The following PNKD variants were observed in gnomAD, a reference collection of about 807,000 sequenced individuals.
PNKD encodes PNKD metallo-beta-lactamase domain containing.
A neutral mutation model predicts 45.3 loss-of-function variants in PNKD; 36 were observed. The ratio of observed to expected loss-of-function variants is 0.80; its 90% confidence interval spans 0.61 to 1.05. The LOEUF (loss-of-function observed/expected upper bound fraction) is 1.05, where lower values mean the gene tolerates loss of function less well. PNKD is among the 50% of genes least tolerant of loss of function. PNKD has a pLI of 0.00. For synonymous variants in PNKD, 197 were observed against 210.1 expected, an observed-to-expected ratio of 0.94 and a Z score of 0.54; for missense variants, 511 against 506.6, an observed-to-expected ratio of 1.01 and a Z score of -0.08.
chr2:218,326,847 G>A lies in PNKD; in HGVS notation c.237-12936G>A, dbSNP rs1275510189. 2 of 152,292 alleles carry A rather than the reference G, an allele frequency of 1.3e-5. No individual in the cohort carries two copies. Among genetic ancestry groups the A allele is most frequent in the African/African-American group, 4.8e-5 (2 of 41,416 alleles). 9.4% of individuals were successfully genotyped at this position (152,292 alleles called of 1,614,324 possible). ...ACAGGTTCTGATCGCTGTTCTGCAG[G>A]GAAGGGGAAAGCACAGGTGAACAGA... is the stretch of plus-strand genomic sequence containing the variant. On this transcript the variant is annotated intron_variant, in intron 2 of 9. Coordinates refer to ENST00000273077, the MANE Select transcript of PNKD (RefSeq NM_015488.5). This position sits in a 1 kb window ranked among gnomAD's most constrained non-coding sequence, Gnocchi z 4.1.
At chr2:218,337,484 T>C (rs1694532137) in intron 2 of PNKD, among the ~76,000 whole-genome samples, 1 of 152,238 alleles carries the variant, frequency 6.6e-6, no homozygotes, top group Non-Finnish European at 1.5e-5. Flanking sequence ...TTCCTTTCTA[T>C]ATCGCTATTT....
At chr2:218,306,458 T>C (rs1008251474) in intron 2 of PNKD, among the ~76,000 whole-genome samples, 1 of 152,178 alleles carries the variant, frequency 6.6e-6, no homozygotes, top group African/African-American at 2.4e-5. Flanking sequence ...AAGGAACATG[T>C]GTGGAGTACT....
At chr2:218,319,998 T>C (rs4280446) in intron 2 of PNKD, among the ~76,000 whole-genome samples, 90,097 of 152,176 alleles carry the variant, frequency 0.59, 27,097 homozygotes, top group South Asian at 0.68. Context: ...GAGGTGGGAA[T>C]GAGCGTGGCA....
intron 2 of PNKD, chr2:218,278,895 C>T (rs1395920174): frequency 2.0e-5 from 19 of 929,010 alleles, no homozygotes; most frequent in Non-Finnish European, 2.6e-5. Flanking sequence ...CGCACACCCA[C>T]ACCCTCTGGC....
intron 2 of PNKD, among the ~76,000 whole-genome samples, chr2:218,273,236 CGACTCT>C (rs1690924061): frequency 6.6e-6 from 1 of 151,908 alleles, no homozygotes; most frequent in Non-Finnish European, 1.5e-5. Context: ...CCAAATGACT[CGACTCT>C]GGGCCTCAGT....
intron 2 of PNKD, chr2:218,334,561 G>C (rs915979642): frequency 1.7e-6 from 1 of 588,500 alleles, no homozygotes; most frequent in Admixed American, 3.0e-5. Context: ...GCTGAGGCGG[G>C]AGGATCGCTT....
At chr2:218,309,833 G>T (rs568618149) in intron 2 of PNKD, among the ~76,000 whole-genome samples, 33 of 152,092 alleles carry the variant, frequency 2.2e-4, no homozygotes, top group Middle Eastern at 3.4e-3. Context: ...TACTCAGGAG[G>T]CTGGGGGAGG....
At chr2:218,273,945 G>C (rs1344782372) in intron 2 of PNKD, among the ~76,000 whole-genome samples, 2 of 152,134 alleles carry the variant, frequency 1.3e-5, no homozygotes, top group African/African-American at 4.8e-5. Flanking sequence ...AGGGTCCATG[G>C]TGCAGAAAAG....
At chr2:218,303,424 C>A (rs1229547629) in intron 2 of PNKD, among the ~76,000 whole-genome samples, 1 of 152,050 alleles carries the variant, frequency 6.6e-6, no homozygotes, top group African/African-American at 2.4e-5. Flanking sequence ...GAGAATCACC[C>A]TGGCTCTGAG....
In PNKD at chr2:218,326,103, G is replaced by T. The variant is rs557648571; in HGVS notation, c.237-13680G>T. 6.6e-6 allele frequency among the ~76,000 whole-genome samples: 1 copy of T among 152,068 alleles called. No homozygotes were observed. ...AATGGGACAGGACATGATGGGGAGG[G>T]GGAGGGCACATGCACTACCAACCTG... On this transcript the variant is annotated intron_variant, in intron 2 of 9. Transcript: ENST00000273077. The surrounding 1 kb of genome is among the most constrained non-coding windows in gnomAD (Gnocchi z 4.1).
chr2:218,309,577 A>T (rs1693537821), intron 2 of PNKD, among the ~76,000 whole-genome samples: 1 of 151,998 alleles, frequency 6.6e-6, no homozygotes, highest in Non-Finnish European at 1.5e-5. Context: ...CCTCCAGTTT[A>T]TGGGAAAATA....
chr2:218,291,744 C>G (rs75320554), intron 2 of PNKD, among the ~76,000 whole-genome samples: 5,194 of 152,234 alleles, frequency 0.034, 294 homozygotes, highest in African/African-American at 0.12. Flanking sequence ...TTTCCCGTTT[C>G]TCTGTTTTGT....
At position 218,339,848 on chromosome 2, in the gene PNKD, G is replaced by C. The variant is rs368934552; in HGVS notation, c.302G>C (p.Arg101Pro). ...TACCGACAGCAGCTGCGCAGGGCTCGGAATCGCTACCCTAAAGGCCACTCG... is the reference window on the plus strand; with the variant it reads ...TACCGACAGCAGCTGCGCAGGGCTCCGAATCGCTACCCTAAAGGCCACTCG... ...LFYRQQLRRARNRYPKGHSKT... is the reference protein window; with the variant it reads ...LFYRQQLRRAPNRYPKGHSKT... The change falls in exon 3 of 10, where the codon CGG (arginine) becomes CCG (proline). Residue 101 changes from arginine to proline, a missense_variant. Coordinates refer to ENST00000273077, the MANE Select transcript of PNKD (RefSeq NM_015488.5). The C allele has an allele frequency of 5.6e-6, 9 of 1,613,010 alleles. No homozygotes were observed. The highest frequency in any genetic ancestry group is 7.6e-6 in the Non-Finnish European group (9 of 1,179,612).
At position 218,303,869 on chromosome 2, in the gene PNKD, C is replaced by T. The variant is rs550988188; in HGVS notation, c.236+32320C>T. On this transcript the variant is annotated intron_variant, in intron 2 of 9. Coordinates refer to ENST00000273077, the MANE Select transcript of PNKD (RefSeq NM_015488.5). ...GATTACAGGTGTGAGCCACCACGCC[C>T]GGCCAGACCCGCACTTCTTTGGTTT... Among the ~76,000 whole-genome samples the T allele has an allele frequency of 8.4e-4, 128 of 151,850 alleles. No homozygotes were observed. The South Asian group carries it at 8.7e-3, about 10-fold the overall frequency.
intron 2 of PNKD, chr2:218,272,796 T>G (rs2106179555): frequency 1.2e-6 from 2 of 1,613,836 alleles, no homozygotes; most frequent in African/African-American, 1.3e-5. Flanking sequence ...TATTGACTGT[T>G]AAGTCCTCAG....
intron 7 of PNKD, 60 bp downstream of exon 7, chr2:218,342,204 G>A: frequency 7.0e-7 from 1 of 1,428,802 alleles, no homozygotes; most frequent in Non-Finnish European, 9.8e-7. Flanking sequence ...AGCCAGGGCA[G>A]CCACAGTCCC....
Position 218,290,084 on chromosome 2 carries a change from G to A in PNKD, c.236+18535G>A, listed in dbSNP as rs370078037. On this transcript the variant is annotated intron_variant, in intron 2 of 9. Coordinates refer to ENST00000273077, the MANE Select transcript of PNKD (RefSeq NM_015488.5). ...GGACTTGTTTATGGGAGCCACAGTG[G>A]AGAAACAGAATCACCTAGCCAGGCA... 4 of 152,284 alleles carry A rather than the reference G, an allele frequency of 2.6e-5. No homozygotes were observed. The East Asian group carries it at 7.7e-4, about 29-fold the overall frequency. The allele number at this position is 152,284 out of a possible 1,614,324, so 9.4% of individuals were successfully genotyped here. A position where few individuals can be genotyped will look rare whatever the true frequency, so the allele number is the denominator to read the frequency against.
chr2:218,275,718 C>T, intron 2 of PNKD: 3 of 1,432,012 alleles, frequency 2.1e-6, no homozygotes, highest in Non-Finnish European at 9.5e-7. Flanking sequence ...ATGCGCCACA[C>T]AGTGCTTAGG....
chr2:218,312,229 C>A (rs1693635596), intron 2 of PNKD, among the ~76,000 whole-genome samples: 1 of 152,224 alleles, frequency 6.6e-6, no homozygotes, highest in African/African-American at 2.4e-5. Flanking sequence ...CTTTTCCCCA[C>A]ATGTAAAGGC....
Sources: allele counts gnomAD v4.1 joint callset (sites outside exome capture counted in the v4.1 genomes callset), GRCh38; gene constraint gnomAD v4.1.1; non-coding constraint Gnocchi (gnomAD v3.1); transcripts MANE v1.5; gene names NCBI Gene and HGNC (gene_info 2026-07-23, HGNC 2026-07-21).